The following OR51B5 variants were observed in gnomAD, a reference collection of about 807,000 sequenced individuals.
OR51B5 encodes the protein olfactory receptor family 51 subfamily B member 5, also known as olfactory receptor 51B5.
For synonymous variants in OR51B5, 186 were observed against 144.8 expected (o/e 1.28, Z -2.04); for missense variants, 456 against 374.6 (o/e 1.22, Z -1.79).
In OR51B5 at chr11:5,463,167, T is replaced by C. The variant is rs886582031; in HGVS notation, n.84+42402A>G. On this transcript the variant is annotated intron_variant and non_coding_transcript_variant, in intron 1 of 4. Transcript: ENST00000415970. ...AATATGTATGAAATAGAATAAATTATCCATTGAATAGGCAATTAATTAGTT... is the reference window on the plus strand; with the variant it reads ...AATATGTATGAAATAGAATAAATTACCCATTGAATAGGCAATTAATTAGTT... Among the ~76,000 whole-genome samples, 3 of 152,320 alleles carry C rather than the reference T, an allele frequency of 2.0e-5. No individual in the cohort carries two copies. The East Asian group carries it at 5.8e-4, about 29-fold the overall frequency.
chr11:5,486,180 G>A (rs910727781), intron 1 of OR51B5, among the ~76,000 whole-genome samples: 1 of 152,096 alleles, frequency 6.6e-6, no homozygotes, highest in Non-Finnish European at 1.5e-5. Context: ...TGTGGTGACA[G>A]CCCTAGCAAA....
chr11:5,398,819 A>G (rs1849922499), intron 1 of OR51B5, among the ~76,000 whole-genome samples: 1 of 152,274 alleles, frequency 6.6e-6, no homozygotes, highest in Non-Finnish European at 1.5e-5. Flanking sequence ...TCCTTCTGCC[A>G]TAATTGTAAG....
upstream of OR51B5, among the ~76,000 whole-genome samples, chr11:5,345,368 A>T (rs1848975390): frequency 1.3e-5 from 2 of 152,112 alleles, no homozygotes; most frequent in South Asian, 4.1e-4. Context: ...GGGAAATGAA[A>T]AAAAGAGAAA....
At chr11:5,430,641 C>G in intron 1 of OR51B5, 1 of 447,964 alleles carries the variant, frequency 2.2e-6, no homozygotes, top group South Asian at 1.6e-5. Context: ...GTTCCTGACT[C>G]CTTGCAGTGA....
chr11:5,421,261 G>C (rs1320955767), intron 1 of OR51B5, among the ~76,000 whole-genome samples: 1 of 152,186 alleles, frequency 6.6e-6, no homozygotes. Flanking sequence ...CCAGACTAGA[G>C]ATCTGCAAGG....
chr11:5,413,599 G>C (rs1461654949), intron 1 of OR51B5, among the ~76,000 whole-genome samples: 1 of 152,168 alleles, frequency 6.6e-6, no homozygotes, highest in East Asian at 1.9e-4. Context: ...GGAGCTGATG[G>C]AGCTGAAAGC....
intron 1 of OR51B5, chr11:5,422,475 G>T: frequency 6.2e-7 from 1 of 1,614,154 alleles, no homozygotes; most frequent in Non-Finnish European, 8.5e-7. Context: ...TTCAACGTTC[G>T]TAGAATCAGC....
intron 1 of OR51B5, among the ~76,000 whole-genome samples, chr11:5,447,946 T>A (rs1850792747): frequency 6.6e-6 from 1 of 152,202 alleles, no homozygotes; most frequent in Admixed American, 6.5e-5. Flanking sequence ...ACCTCTCTTC[T>A]GAATTCTTGA....
At chr11:5,401,119 C>T (rs893545521) in intron 1 of OR51B5, among the ~76,000 whole-genome samples, 1 of 152,124 alleles carries the variant, frequency 6.6e-6, no homozygotes, top group African/African-American at 2.4e-5. Context: ...ACACCCAATC[C>T]AGGCAGGTGG....
intron 1 of OR51B5, among the ~76,000 whole-genome samples, chr11:5,411,359 C>T (rs1850146456): frequency 6.6e-6 from 1 of 152,174 alleles, no homozygotes; most frequent in African/African-American, 2.4e-5. Context: ...ATCATATAGC[C>T]TAAATGTGTA....
chr11:5,444,054 A>T (rs1241430479), intron 1 of OR51B5, among the ~76,000 whole-genome samples: 1 of 152,170 alleles, frequency 6.6e-6, no homozygotes, highest in East Asian at 1.9e-4. Context: ...TATGCAATAT[A>T]TTTCAAATAT....
chr11:5,399,022 C>A (rs1251322762), intron 1 of OR51B5, among the ~76,000 whole-genome samples: 1 of 152,182 alleles, frequency 6.6e-6, no homozygotes, highest in Non-Finnish European at 1.5e-5. Context: ...AGCATTTTTC[C>A]TAAGACAGTA....
intron 1 of OR51B5, chr11:5,455,585 A>AAGAGAGAGGAGAGAGAGAAAGAGAG (rs59290604): frequency 2.3e-5 from 3 of 131,094 alleles, no homozygotes; most frequent in Admixed American, 7.6e-5. Flanking sequence ...GAGAAAGAGA[A>AAGAGAGAGGAGAGAGAGAAAGAGAG]AGAGAGAAAG....
intron 1 of OR51B5, among the ~76,000 whole-genome samples, chr11:5,470,573 T>C (rs1218978934): frequency 6.6e-6 from 1 of 152,226 alleles, no homozygotes; most frequent in Non-Finnish European, 1.5e-5. Flanking sequence ...GACTTCCAAA[T>C]GTAAGAGTTC....
intron 1 of OR51B5, among the ~76,000 whole-genome samples, chr11:5,498,824 T>C (rs144375628): frequency 1.0e-3 from 159 of 152,318 alleles, no homozygotes; most frequent in African/African-American, 3.8e-3. Context: ...AAATCTCCTC[T>C]TTAAATTCCA....
intron 1 of OR51B5, among the ~76,000 whole-genome samples, chr11:5,354,466 C>CAAGATAAA (rs1564917858): frequency 6.7e-6 from 1 of 149,594 alleles, no homozygotes; most frequent in African/African-American, 2.4e-5. Flanking sequence ...GATGAAGAGA[C>CAAGATAAA]AAGATAAAAA....
intron 1 of OR51B5, among the ~76,000 whole-genome samples, chr11:5,488,394 A>G (rs1413243101): frequency 6.6e-6 from 1 of 152,174 alleles, no homozygotes; most frequent in Non-Finnish European, 1.5e-5. Flanking sequence ...AGGTCAATAA[A>G]TGATGTGCAG....
At chr11:5,431,719 G>A (rs1850537787) in intron 1 of OR51B5, 1 of 152,514 alleles carries the variant, frequency 6.6e-6, no homozygotes, top group Admixed American at 6.5e-5. Flanking sequence ...AAGGAGATGG[G>A]GCAGGAAGCA....
At chr11:5,471,770 T>A (rs1851233397) in intron 1 of OR51B5, among the ~76,000 whole-genome samples, 1 of 152,178 alleles carries the variant, frequency 6.6e-6, no homozygotes, top group African/African-American at 2.4e-5. Flanking sequence ...ATAACTGAGT[T>A]TTTATTTCAC....
Sources: gnomAD v4.1 joint callset for allele counts (sites outside exome capture counted in the v4.1 genomes callset) on GRCh38, gnomAD v4.1.1 for gene constraint, MANE v1.5 for transcripts, NCBI Gene and HGNC (gene_info 2026-07-23, HGNC 2026-07-21) for gene names.